Variants in ACSS3 observed in about 807,000 individuals in gnomAD.
ACSS3 encodes the protein acyl-CoA synthetase short chain family member 3.
Under a neutral mutation model 84.2 loss-of-function variants are expected in ACSS3, and 64 were observed. That is an observed-to-expected ratio of 0.76 (90% CI 0.62 to 0.94). ACSS3 has a LOEUF of 0.94. Among genes scored for constraint, ACSS3 ranks in the 40% least tolerant of loss-of-function variants. The pLI, the probability that ACSS3 is intolerant of heterozygous loss-of-function variation, is 0.00. For missense variants in ACSS3, 815 were observed against 867.6 expected, an observed-to-expected ratio of 0.94 and a Z score of 0.76; for synonymous variants, 317 against 310.1, an observed-to-expected ratio of 1.02 and a Z score of -0.23.
chr12:81,241,835 G>A (rs528199470), intron 13 of ACSS3, among the ~76,000 whole-genome samples: 2 of 152,216 alleles, frequency 1.3e-5, no homozygotes, highest in Admixed American at 6.5e-5. Context: ...AAGCTCTTTA[G>A]TTTAATTAGA....
At chr12:81,091,562 T>C (rs1426913806) in intron 1 of ACSS3, among the ~76,000 whole-genome samples, 1 of 152,056 alleles carries the variant, frequency 6.6e-6, no homozygotes, top group Non-Finnish European at 1.5e-5. Context: ...AATTACAGGC[T>C]TAGTAGACCT....
chr12:81,170,431 T>C (rs2029946719), intron 7 of ACSS3, among the ~76,000 whole-genome samples: 1 of 152,162 alleles, frequency 6.6e-6, no homozygotes, highest in Admixed American at 6.5e-5. Flanking sequence ...TAGCAATTGA[T>C]GTTTTATAAA....
chr12:81,107,941 G>A (rs1883215728), intron 1 of ACSS3, among the ~76,000 whole-genome samples: 1 of 151,986 alleles, frequency 6.6e-6, no homozygotes, highest in Non-Finnish European at 1.5e-5. Flanking sequence ...GCTAGCCTCT[G>A]CTTGCATCGT....
chr12:81,241,573 T>G (rs1034145365), intron 13 of ACSS3, among the ~76,000 whole-genome samples: 16 of 152,358 alleles, frequency 1.1e-4, no homozygotes, highest in African/African-American at 3.6e-4. Context: ...GATTTGCATT[T>G]CTCTGATGGC....
chr12:81,186,510 C>T (rs562290458), intron 8 of ACSS3, among the ~76,000 whole-genome samples: 39 of 151,562 alleles, frequency 2.6e-4, no homozygotes, highest in Non-Finnish European at 5.0e-4. Context: ...ACAGTTCAAT[C>T]GTGGAAAAAC....
chr12:81,173,550 A>T (rs972128708), intron 7 of ACSS3, among the ~76,000 whole-genome samples: 3 of 152,210 alleles, frequency 2.0e-5, no homozygotes, highest in Non-Finnish European at 2.9e-5. Context: ...GATCTAATCA[A>T]TGAGTATTGA....
At position 81,257,144 on chromosome 12, in the gene ACSS3, TAATC is replaced by T. The variant is rs1322648640; in HGVS notation, c.*2225_*2228del. 2.0e-5 allele frequency: 3 copies of T among 152,180 alleles called. No individual in the cohort carries two copies. The highest frequency in any genetic ancestry group is 4.4e-5 in the Non-Finnish European group (3 of 68,034). 9.4% of individuals were successfully genotyped at this position (152,180 alleles called of 1,614,324 possible). On this transcript the variant is annotated 3_prime_UTR_variant, in exon 16 of 16. Transcript: ENST00000548058. ...TGGTCCTCTTGCACATTTTTTCTGG[TAATC>T]AAATCTGAAGCGACATCTCAGCAAG...
chr12:81,095,048 G>A (rs1323126782), intron 1 of ACSS3, among the ~76,000 whole-genome samples: 2 of 152,054 alleles, frequency 1.3e-5, no homozygotes, highest in East Asian at 3.9e-4. Flanking sequence ...AATACTAGCT[G>A]TCATTAGGCA....
chr12:81,198,353 C>T (rs1295215796), intron 8 of ACSS3, among the ~76,000 whole-genome samples: 2 of 152,048 alleles, frequency 1.3e-5, no homozygotes, highest in African/African-American at 2.4e-5. Context: ...ATAGCAAAGA[C>T]AGAAACAGAA....
At chr12:81,152,597 A>G (rs1459054015) in intron 7 of ACSS3, among the ~76,000 whole-genome samples, 2 of 152,216 alleles carry the variant, frequency 1.3e-5, no homozygotes, top group South Asian at 2.1e-4. Context: ...CGATGAATAT[A>G]TCAGTGTCAC....
intron 13 of ACSS3, among the ~76,000 whole-genome samples, chr12:81,235,155 C>T (rs1016480756): frequency 6.6e-6 from 1 of 151,210 alleles, no homozygotes; most frequent in Non-Finnish European, 1.5e-5. Flanking sequence ...GCCAGTTGTT[C>T]CAGCATCATT....
chr12:81,260,592 G>A lies in ACSS3; in HGVS notation c.*5670G>A, dbSNP rs1012456648. 6.6e-6 allele frequency: 1 copy of A among 152,042 alleles called. No individual in the cohort carries two copies. The highest frequency in any genetic ancestry group is 1.5e-5 in the Non-Finnish European group (1 of 68,020). The allele number at this position is 152,042 out of a possible 1,614,324, so 9.4% of individuals were successfully genotyped here. A position where few individuals can be genotyped will look rare whatever the true frequency, so the allele number is the denominator to read the frequency against. ...ACCATAATTAAAATTTTAATGTAAG[G>A]GTTGTACATTCTGAAATTAAATCTC... On this transcript the variant is annotated 3_prime_UTR_variant, in exon 16 of 16. Coordinates refer to ENST00000548058, the MANE Select transcript of ACSS3 (RefSeq NM_024560.4).
chr12:81,167,296 C>G (rs1043564722), intron 7 of ACSS3, among the ~76,000 whole-genome samples: 1 of 152,132 alleles, frequency 6.6e-6, no homozygotes, highest in African/African-American at 2.4e-5. Flanking sequence ...TGTCAACTCT[C>G]AGAGCTAGGA....
chr12:81,126,536 G>A (rs966809527), intron 2 of ACSS3, among the ~76,000 whole-genome samples: 8 of 152,046 alleles, frequency 5.3e-5, no homozygotes, highest in Admixed American at 2.6e-4. Context: ...TTTACAAGAT[G>A]TGATGAATTC....
chr12:81,180,872 G>A (rs182257144), intron 8 of ACSS3, among the ~76,000 whole-genome samples: 2 of 152,216 alleles, frequency 1.3e-5, no homozygotes, highest in Admixed American at 6.5e-5. Flanking sequence ...ATAGCAAGTT[G>A]CATCTTCAAG....
chr12:81,110,921 TCTCC>T (rs1287485663), intron 2 of ACSS3, among the ~76,000 whole-genome samples: 1 of 152,156 alleles, frequency 6.6e-6, no homozygotes, highest in Non-Finnish European at 1.5e-5. Flanking sequence ...TTTCATCAAC[TCTCC>T]CTGACTCTTT....
chr12:81,200,809 G>A (rs769474752), intron 9 of ACSS3, among the ~76,000 whole-genome samples: 12 of 150,002 alleles, frequency 8.0e-5, no homozygotes, highest in Non-Finnish European at 1.6e-4. Context: ...GCAGAGAATT[G>A]CTTGAACCCA....
At chr12:81,238,362 T>C (rs938683991) in intron 13 of ACSS3, among the ~76,000 whole-genome samples, 3 of 151,706 alleles carry the variant, frequency 2.0e-5, no homozygotes, top group African/African-American at 7.3e-5. Context: ...TCCAGTTCCA[T>C]AGATTGAGTT....
intron 1 of ACSS3, among the ~76,000 whole-genome samples, chr12:81,107,511 CATATAT>C (rs566270568): frequency 0.016 from 602 of 38,698 alleles, 4 homozygotes; most frequent in East Asian, 0.039. Flanking sequence ...CAAATATATA[CATATAT>C]ATATATATAT....
Sources: allele counts gnomAD v4.1 joint callset (sites outside exome capture counted in the v4.1 genomes callset), GRCh38; gene constraint gnomAD v4.1.1; transcripts MANE v1.5; gene names NCBI Gene and HGNC (gene_info 2026-07-23, HGNC 2026-07-21).